CNN3: variants seen among roughly 807,000 people sequenced by gnomAD.
CNN3 encodes the protein calponin-3.
CNN3 carries 11 observed loss-of-function variants against 39.0 expected under a neutral mutation model. That is an observed-to-expected ratio of 0.28 (90% CI 0.18 to 0.47). The LOEUF (loss-of-function observed/expected upper bound fraction) is 0.47, where lower values mean the gene tolerates loss of function less well. CNN3 is among the 20% of genes least tolerant of loss of function. CNN3 has a pLI of 0.99. For synonymous variants in CNN3, 101 were observed against 138.3 expected (o/e 0.73, Z 1.89); for missense variants, 266 against 403.4 (o/e 0.66, Z 2.92).
intron 5 of CNN3, among the ~76,000 whole-genome samples, chr1:94,900,786 C>T (rs982721633): frequency 2.0e-5 from 3 of 152,134 alleles, no homozygotes; most frequent in African/African-American, 2.4e-5. Flanking sequence ...ATCTGAACTA[C>T]GTATTTCAGA....
At position 94,897,100 on chromosome 1, in the gene CNN3, C is replaced by T. The variant is rs995084440; in HGVS notation, c.*642G>A. The T allele has an allele frequency of 6.5e-6, 1 of 152,824 alleles. No homozygotes were observed. Among genetic ancestry groups the T allele is most frequent in the African/African-American group, 2.4e-5 (1 of 41,396 alleles). The allele number at this position is 152,824 out of a possible 1,614,324, so 9.5% of individuals were successfully genotyped here. On this transcript the variant is annotated 3_prime_UTR_variant, in exon 7 of 7. Transcript: ENST00000370206. ...CAAACAGGAAGAGCAAATGCATCACCCAGGCCTAAATGTCCACAGGCCACT... is the reference window on the plus strand; with the variant it reads ...CAAACAGGAAGAGCAAATGCATCACTCAGGCCTAAATGTCCACAGGCCACT...
chr1:94,922,404 A>G (rs1237924831), intron 1 of CNN3, among the ~76,000 whole-genome samples: 1 of 152,262 alleles, frequency 6.6e-6, no homozygotes, highest in Non-Finnish European at 1.5e-5. Flanking sequence ...TCATTAAATC[A>G]ACAAATATTC....
intron 1 of CNN3, among the ~76,000 whole-genome samples, chr1:94,923,514 A>G (rs1253081815): frequency 7.0e-6 from 1 of 142,424 alleles, no homozygotes; most frequent in Admixed American, 6.9e-5. Context: ...TTTTTTTTTT[A>G]AGGCTGTTTT....
chr1:94,922,178 G>C (rs1268083109), intron 1 of CNN3, among the ~76,000 whole-genome samples: 1 of 152,154 alleles, frequency 6.6e-6, no homozygotes, highest in Non-Finnish European at 1.5e-5. Flanking sequence ...GCTTTAACAG[G>C]CCAAGGCAGT....
chr1:94,920,351 A>G (rs1156592727), intron 1 of CNN3, among the ~76,000 whole-genome samples: 1 of 152,240 alleles, frequency 6.6e-6, no homozygotes, highest in African/African-American at 2.4e-5. Context: ...CCTATCCACC[A>G]GAAATCTCAG....
At chr1:94,917,975 A>C (rs12403398) in intron 1 of CNN3, among the ~76,000 whole-genome samples, 4,576 of 152,218 alleles carry the variant, frequency 0.03, 110 homozygotes, top group South Asian at 0.05. Flanking sequence ...CCATCATTGG[A>C]TGCTCCCCTA....
At chr1:94,916,871 C>T (rs1671299000) in intron 1 of CNN3, among the ~76,000 whole-genome samples, 2 of 152,194 alleles carry the variant, frequency 1.3e-5, no homozygotes, top group African/African-American at 4.8e-5. Flanking sequence ...TAAATGTCAA[C>T]ACTTATCCTT....
intron 3 of CNN3, among the ~76,000 whole-genome samples, chr1:94,902,675 C>T (rs1037697521): frequency 6.6e-6 from 1 of 152,164 alleles, no homozygotes; most frequent in African/African-American, 2.4e-5. Flanking sequence ...TCTCTCATAT[C>T]TCCAAACACA....
At chr1:94,908,007 G>A (rs1375101468) in intron 1 of CNN3, among the ~76,000 whole-genome samples, 1 of 152,178 alleles carries the variant, frequency 6.6e-6, no homozygotes, top group African/African-American at 2.4e-5. Context: ...ATCCACAGCA[G>A]CCCCTCTCTT....
Position 94,897,772 on chromosome 1 carries a change from G to A in CNN3, c.960C>T (p.Tyr320=), listed in dbSNP as rs1442641033. 1.2e-6 allele frequency: 2 copies of A among 1,614,034 alleles called. No homozygotes were observed. Among genetic ancestry groups the A allele is most frequent in the East Asian group, 4.5e-5 (2 of 44,884 alleles). Residue 320 remains tyrosine, a synonymous_variant, in exon 7 of 7, where the codon TAC becomes TAT. Coordinates refer to ENST00000370206, the MANE Select transcript of CNN3 (RefSeq NM_001839.5). ...GEYQDDYPRD[Y]QYSDQGIDY is the part of the protein sequence containing the mutation. ...AATCAATGCCTTGGTCGCTATATTG[G>A]TAATCTCTGGGGTAGTCATCCTGGT...
chr1:94,898,319 A>C (rs1375998707), intron 6 of CNN3, among the ~76,000 whole-genome samples: 1 of 152,146 alleles, frequency 6.6e-6, no homozygotes, highest in Non-Finnish European at 1.5e-5. Context: ...CTCTGCTATA[A>C]AATTACTATG....
chr1:94,918,847 C>T lies in CNN3; in HGVS notation c.57+7991G>A, dbSNP rs139361143. 4.0e-5 allele frequency among the ~76,000 whole-genome samples: 6 copies of T among 150,194 alleles called. No homozygotes were observed. The Admixed American group carries it at 4.0e-4, about 10-fold the overall frequency. ...AGGTAGAGTTGCAGTGAGCCAAGAT[C>T]GTGCCACTGTACTCCAGCCCAGGTG... On this transcript the variant is annotated intron_variant, in intron 1 of 6. Coordinates refer to ENST00000370206, the MANE Select transcript of CNN3 (RefSeq NM_001839.5).
rs57882580 is a variant in CNN3, at chr1:94,921,611, G to GAA, written c.57+5225_57+5226dup. Reference sequence around the variant, plus strand: ...ACCTGGAAGGGAAACAGGCACTGGGGAAAAAAAAAGCCTATACCTCTGTTG... The same window carrying GAA: ...ACCTGGAAGGGAAACAGGCACTGGGGAAAAAAAAAAAGCCTATACCTCTGTTG... On this transcript the variant is annotated intron_variant, in intron 1 of 6. Coordinates refer to ENST00000370206, the MANE Select transcript of CNN3 (RefSeq NM_001839.5). Among the ~76,000 whole-genome samples the GAA allele has an allele frequency of 2.6e-3, 355 of 134,624 alleles. 4 individuals are homozygous for GAA. The highest frequency in any genetic ancestry group is 9.6e-3 in the African/African-American group (347 of 36,228). The allele number at this position is 134,624 out of a possible 152,430, so 88.3% of individuals were successfully genotyped here.
chr1:94,916,223 G>T (rs571321605), intron 1 of CNN3, among the ~76,000 whole-genome samples: 1 of 152,108 alleles, frequency 6.6e-6, no homozygotes, highest in Non-Finnish European at 1.5e-5. Context: ...TGGGCAACAC[G>T]GTAAAACCCT....
At chr1:94,918,419 G>A (rs920153294) in intron 1 of CNN3, among the ~76,000 whole-genome samples, 10 of 141,964 alleles carry the variant, frequency 7.0e-5, no homozygotes, top group South Asian at 2.3e-4. Flanking sequence ...ACTCGAACCC[G>A]AGAGGCAGAG....
chr1:94,915,213 A>G (rs972354948), intron 1 of CNN3, among the ~76,000 whole-genome samples: 4 of 152,194 alleles, frequency 2.6e-5, no homozygotes, highest in Non-Finnish European at 4.4e-5. Flanking sequence ...TTTGCTTTTA[A>G]TGAGGATGTG....
chr1:94,916,849 G>T (rs146756411), intron 1 of CNN3, among the ~76,000 whole-genome samples: 142 of 152,276 alleles, frequency 9.3e-4, no homozygotes, highest in African/African-American at 3.2e-3. Flanking sequence ...CACATAAGTT[G>T]TAAGAACTCA....
In CNN3 at chr1:94,908,100, C is replaced by A. The variant is rs117988340; in HGVS notation, c.58-4576G>T. The stretch of plus-strand genomic sequence containing the variant: ...CCTTCTTTGCATCAAGGAGCACTTA[C>A]AAATGATCCAGAGACCGAGGAGAAT... On this transcript the variant is annotated intron_variant, in intron 1 of 6. Coordinates refer to ENST00000370206, the MANE Select transcript of CNN3 (RefSeq NM_001839.5). Among the ~76,000 whole-genome samples, 155 of 152,294 alleles carry A rather than the reference C, an allele frequency of 1.0e-3. 1 individual carries two copies. The East Asian group carries it at 0.024, about 23-fold the overall frequency.
intron 1 of CNN3, among the ~76,000 whole-genome samples, chr1:94,909,314 T>C (rs1033517858): frequency 6.6e-6 from 1 of 152,162 alleles, no homozygotes; most frequent in Non-Finnish European, 1.5e-5. Context: ...AAAGCTCAAC[T>C]CTACCCAACA....
Sources: gnomAD v4.1 joint callset for allele counts (sites outside exome capture counted in the v4.1 genomes callset) on GRCh38, gnomAD v4.1.1 for gene constraint, MANE v1.5 for transcripts, NCBI Gene and HGNC (gene_info 2026-07-23, HGNC 2026-07-21) for gene names.